Variants in KPNB1 observed in about 807,000 individuals in gnomAD.
The protein encoded by KPNB1 is importin subunit beta-1.
A neutral mutation model predicts 113.0 loss-of-function variants in KPNB1; 7 were observed. The observed-to-expected ratio is 0.06, with a 90% CI of 0.04 to 0.12. The LOEUF (loss-of-function observed/expected upper bound fraction) is 0.12. Among genes scored for constraint, KPNB1 ranks in the 10% least tolerant of loss-of-function variants. KPNB1 has a pLI of 1.00. For missense variants in KPNB1, 400 were observed against 1,054.8 expected, an observed-to-expected ratio of 0.38 and a Z score of 8.60; for synonymous variants, 363 against 378.6, an observed-to-expected ratio of 0.96 and a Z score of 0.48.
chr17:47,665,095 G>A lies in KPNB1; in HGVS notation c.936G>A (p.Lys312=), dbSNP rs769646822. ...GACGGCCCCCTGAGCACACCAGCAA[G>A]TTTTATGCGAAGGGAGCACTACAGT... ...EQGRPPEHTS[K]FYAKGALQYL... The change falls in exon 9 of 22, where the codon AAG becomes AAA. Residue 312 remains lysine, a synonymous_variant. Transcript: ENST00000290158. 17 of 1,614,186 alleles carry A rather than the reference G, an allele frequency of 1.1e-5. No homozygotes were observed. The highest frequency in any genetic ancestry group is 2.2e-5 in the East Asian group (1 of 44,890).
At chr17:47,668,108 C>T in intron 9 of KPNB1, 78 bp from the exon 10 acceptor site, 1 of 1,110,188 alleles carries the variant, frequency 9.0e-7, no homozygotes, top group Non-Finnish European at 1.3e-6. Context: ...TAAAGACATT[C>T]AAGAGTAGTC....
At chr17:47,656,345 G>C (rs922097790) in intron 3 of KPNB1, among the ~76,000 whole-genome samples, 27 of 152,066 alleles carry the variant, frequency 1.8e-4, no homozygotes, top group African/African-American at 6.0e-4. Flanking sequence ...AGGAATTTGA[G>C]ACCAGCCTGG....
chr17:47,662,032 A>T (rs375583519), intron 6 of KPNB1: 5 of 152,216 alleles, frequency 3.3e-5, no homozygotes. Context: ...CCCTTCAAGA[A>T]GATAGAAGTA....
At chr17:47,679,718 A>G (rs1293934073) in intron 19 of KPNB1, among the ~76,000 whole-genome samples, 2 of 149,724 alleles carry the variant, frequency 1.3e-5, no homozygotes, top group Admixed American at 6.6e-5. Flanking sequence ...TTTTTTTGAG[A>G]TGGAATCTTG....
At chr17:47,676,338 A>G (rs1284505167) in intron 15 of KPNB1, 71 bp from the exon 16 acceptor site, 6 of 1,060,566 alleles carry the variant, frequency 5.7e-6, no homozygotes, top group Non-Finnish European at 8.9e-6. Flanking sequence ...GAGAGGTAGG[A>G]TGGGTTATTT....
At chr17:47,653,017 C>G (rs558578006) in intron 3 of KPNB1, 141 bp downstream of exon 3, 10 of 532,098 alleles carry the variant, frequency 1.9e-5, no homozygotes, top group Non-Finnish European at 3.1e-5. Flanking sequence ...TAAAAATTGT[C>G]TTTGTCTTAA....
In KPNB1 at chr17:47,650,204, CCGT is replaced by C; in HGVS notation, c.-36_-34del. 1.4e-6 allele frequency: 2 copies of C among 1,416,068 alleles called. No homozygotes were observed. The highest frequency in any genetic ancestry group is 1.9e-6 in the Non-Finnish European group (2 of 1,071,216). The allele number at this position is 1,416,068 out of a possible 1,614,324, so 87.7% of individuals were successfully genotyped here. A position where few individuals can be genotyped will look rare whatever the true frequency, so the allele number is the denominator to read the frequency against. ...TCGAGCCGCCGCCCGAAAGGCCGGG[CCGT>C]CGTCTTAGGAGGAGTCGCCGCCGCC... On this transcript the variant is annotated 5_prime_UTR_variant, in exon 1 of 22. Transcript: ENST00000290158.
chr17:47,658,205 C>T (rs1289724307), intron 4 of KPNB1, among the ~76,000 whole-genome samples: 1 of 152,168 alleles, frequency 6.6e-6, no homozygotes, highest in Non-Finnish European at 1.5e-5. Context: ...AAGTCTGTTA[C>T]ATAAAATGGT....
chr17:47,676,333 G>A (rs1441413389), intron 15 of KPNB1, 76 bp from the exon 16 acceptor site: 2 of 1,012,338 alleles, frequency 2.0e-6, no homozygotes, highest in African/African-American at 1.6e-5. Context: ...TTTGGGAGAG[G>A]TAGGATGGGT....
chr17:47,649,953 C>T lies in KPNB1; in HGVS notation c.-292C>T. The T allele has an allele frequency of 2.3e-5, 30 of 1,321,372 alleles. No individual in the cohort carries two copies. Among genetic ancestry groups the T allele is most frequent in the Non-Finnish European group, 2.8e-5 (29 of 1,039,704 alleles). 81.9% of individuals were successfully genotyped at this position (1,321,372 alleles called of 1,614,324 possible). A position where few individuals can be genotyped will look rare whatever the true frequency, so the allele number is the denominator to read the frequency against. On this transcript the variant is annotated 5_prime_UTR_variant, in exon 1 of 22. Transcript: ENST00000290158. ...CGCGCCGCCTCTCACTCACAGCCTC[C>T]CTTCCTTCTTTCTCCCTCCGCCTCC...
intron 12 of KPNB1, 67 bp downstream of exon 12, chr17:47,670,899 G>A (rs1567892761): frequency 1.5e-6 from 2 of 1,354,588 alleles, no homozygotes; most frequent in African/African-American, 2.9e-5. Flanking sequence ...CTGTGTGGAG[G>A]ATATCTAGCT....
At position 47,684,103 on chromosome 17, in the gene KPNB1, A is replaced by T. The variant is rs777400984; in HGVS notation, c.*1699A>T. 6.6e-6 allele frequency: 1 copy of T among 152,160 alleles called. No individual in the cohort carries two copies. Among genetic ancestry groups the T allele is most frequent in the East Asian group, 1.9e-4 (1 of 5,194 alleles). 9.4% of individuals were successfully genotyped at this position (152,160 alleles called of 1,614,324 possible). On this transcript the variant is annotated 3_prime_UTR_variant, in exon 22 of 22. Coordinates refer to ENST00000290158, the MANE Select transcript of KPNB1 (RefSeq NM_002265.6). ...TTTAAAATTGCTTCCTGGTCCTTAG[A>T]GGACTAAAAACAAGACCCTCATTCC...
chr17:47,661,036 T>G (rs1597926824), intron 5 of KPNB1, 83 bp from the exon 6 acceptor site: 2 of 1,109,562 alleles, frequency 1.8e-6, no homozygotes, highest in Middle Eastern at 2.0e-4. Flanking sequence ...GAGTGAGAGG[T>G]TTTCCTTGTA....
rs2030833094 is a variant in KPNB1 at position 47,683,089 on chromosome 17, G to GT, written c.*686dup. ...TGTTTACTGATGCAGCACAAGAGAT[G>GT]TAAAAAAAAAAAAAAAAAAAAAAAA... On this transcript the variant is annotated 3_prime_UTR_variant, in exon 22 of 22. Coordinates refer to ENST00000290158, the MANE Select transcript of KPNB1 (RefSeq NM_002265.6). 4.5e-5 allele frequency: 1 copy of GT among 22,340 alleles called. No homozygotes were observed. Among genetic ancestry groups the GT allele is most frequent in the African/African-American group, 2.0e-4 (1 of 5,000 alleles). 1.4% of individuals were successfully genotyped at this position (22,340 alleles called of 1,614,324 possible). A position where few individuals can be genotyped will look rare whatever the true frequency, so the allele number is the denominator to read the frequency against.
intron 2 of KPNB1, among the ~76,000 whole-genome samples, chr17:47,651,824 T>A (rs1421312811): frequency 6.6e-6 from 1 of 152,198 alleles, no homozygotes; most frequent in Non-Finnish European, 1.5e-5. Flanking sequence ...GTGTGCTAAA[T>A]TTTTAAACAA....
chr17:47,650,350 C>G (rs1915500271), intron 1 of KPNB1, 36 bp from the exon 2 acceptor site: 1 of 1,610,724 alleles, frequency 6.2e-7, no homozygotes, highest in Admixed American at 1.7e-5. Flanking sequence ...CCCGGCCCCT[C>G]TGACCCCGCT....
At chr17:47,662,787 G>A (rs1184934392) in intron 6 of KPNB1, among the ~76,000 whole-genome samples, 1 of 151,982 alleles carries the variant, frequency 6.6e-6, no homozygotes, top group Non-Finnish European at 1.5e-5. Context: ...GAAGGCTGAG[G>A]CACGAGAATT....
Position 47,680,086 on chromosome 17 carries a change from A to G in KPNB1, c.2420A>G (p.Asp807Gly). The stretch of plus-strand genomic sequence containing the variant: ...TCTTTCATTGACCACATTGCTGGAG[A>G]TGAGGATCACACAGATGGAGTAGTA... ...ILSFIDHIAG[D>G]EDHTDGVVAC... is the part of the protein sequence containing the mutation. The change falls in exon 20 of 22, where the codon GAT becomes GGT. Residue 807 changes from aspartate to glycine, a missense_variant. By Grantham distance (94) the Asp-to-Gly change is moderately conservative. Coordinates refer to ENST00000290158, the MANE Select transcript of KPNB1 (RefSeq NM_002265.6). 1 of 1,614,052 alleles carries G rather than the reference A, an allele frequency of 6.2e-7. No individual in the cohort carries two copies. Among genetic ancestry groups the G allele is most frequent in the South Asian group, 1.1e-5 (1 of 91,082 alleles).
Position 47,683,121 on chromosome 17 carries a change from A to T in KPNB1, c.*717A>T, listed in dbSNP as rs1396704677. 8.0e-6 allele frequency: 1 copy of T among 124,966 alleles called. No individual in the cohort carries two copies. Among genetic ancestry groups the T allele is most frequent in the African/African-American group, 3.0e-5 (1 of 33,818 alleles). The allele number at this position is 124,966 out of a possible 1,614,324, so 7.7% of individuals were successfully genotyped here. ...AAAAAAAAAAAAAAAAAAAAAAAAC[A>T]CACACACAGAGGAAAGACGCTCTTT... On this transcript the variant is annotated 3_prime_UTR_variant, in exon 22 of 22. Transcript: ENST00000290158.
Sources: allele counts gnomAD v4.1 joint callset (sites outside exome capture counted in the v4.1 genomes callset), GRCh38; gene constraint gnomAD v4.1.1; transcripts MANE v1.5; gene names NCBI Gene and HGNC (gene_info 2026-07-23, HGNC 2026-07-21).